Variants in IFT140 observed in about 807,000 individuals in gnomAD.
IFT140 encodes intraflagellar transport 140, also known as intraflagellar transport protein 140 homolog.
IFT140 carries 133 observed loss-of-function variants against 164.6 expected under a neutral mutation model. That is an observed-to-expected ratio of 0.81 (90% CI 0.70 to 0.93). IFT140 has a LOEUF of 0.93. Ranked by LOEUF, IFT140 falls within the 40% of genes least tolerant of loss-of-function variation. IFT140 has a pLI of 0.00. For missense variants in IFT140, 2,045 were observed against 1,972.3 expected (o/e 1.04, Z -0.70); for synonymous variants, 860 against 817.3 (o/e 1.05, Z -0.89).
intron 18 of IFT140, among the ~76,000 whole-genome samples, chr16:1,558,874 G>A (rs2033251848): frequency 6.6e-6 from 1 of 152,240 alleles, no homozygotes; most frequent in Admixed American, 6.5e-5. Flanking sequence ...TTCCTGAAGG[G>A]TGACTCCAGC....
chr16:1,586,640 C>G (rs2034898724), intron 9 of IFT140, among the ~76,000 whole-genome samples: 1 of 152,228 alleles, frequency 6.6e-6, no homozygotes, highest in East Asian at 1.9e-4. Context: ...CACACACACA[C>G]ACACACACAC....
chr16:1,515,709 A>G (rs1444500492), intron 30 of IFT140, among the ~76,000 whole-genome samples: 1 of 152,240 alleles, frequency 6.6e-6, no homozygotes, highest in Non-Finnish European at 1.5e-5. Flanking sequence ...AGAATTCTCT[A>G]TCTGATGAGA....
chr16:1,536,927 C>A (rs1371391548), intron 19 of IFT140, among the ~76,000 whole-genome samples: 1 of 152,250 alleles, frequency 6.6e-6, no homozygotes. Context: ...ATCAAGCTAG[C>A]CTATGAACCT....
At chr16:1,540,907 G>A (rs2031569381) in intron 19 of IFT140, 22 of 985,320 alleles carry the variant, frequency 2.2e-5, no homozygotes, top group Non-Finnish European at 2.7e-5. Context: ...ACTCCAGGCT[G>A]AGTGTCTGTC....
intron 4 of IFT140, 167 bp downstream of exon 4, chr16:1,602,203 A>T (rs1031459197): frequency 7.5e-6 from 5 of 667,916 alleles, no homozygotes; most frequent in Non-Finnish European, 1.3e-5. Context: ...ACAGAGTGGC[A>T]AATTTTCAAG....
At chr16:1,584,092 A>C in intron 11 of IFT140, 125 bp downstream of exon 11, 2 of 714,436 alleles carry the variant, frequency 2.8e-6, no homozygotes, top group East Asian at 2.7e-5. Flanking sequence ...CCAGGAAATA[A>C]GAGAATCTAG....
At chr16:1,547,801 G>C (rs998280281) in intron 19 of IFT140, among the ~76,000 whole-genome samples, 1 of 152,198 alleles carries the variant, frequency 6.6e-6, no homozygotes, top group African/African-American at 2.4e-5. Context: ...CTCCCACAGC[G>C]CTGGGATTAC....
At chr16:1,562,707 G>C (rs894797889) in intron 17 of IFT140, among the ~76,000 whole-genome samples, 1 of 152,144 alleles carries the variant, frequency 6.6e-6, no homozygotes, top group African/African-American at 2.4e-5. Context: ...GGGAGGCAGA[G>C]GTTGCAGTGA....
chr16:1,541,064 C>A, intron 19 of IFT140: 3 of 985,440 alleles, frequency 3.0e-6, no homozygotes, highest in Non-Finnish European at 2.4e-6. Flanking sequence ...TCCCTGAGGG[C>A]AACAAACGCA....
At chr16:1,582,822 G>C (rs2034645240) in intron 12 of IFT140, among the ~76,000 whole-genome samples, 1 of 152,270 alleles carries the variant, frequency 6.6e-6, no homozygotes, top group Non-Finnish European at 1.5e-5. Flanking sequence ...ACAACTGCTT[G>C]AGCCCGGGAG....
At chr16:1,544,862 A>G (rs1186921328) in intron 19 of IFT140, among the ~76,000 whole-genome samples, 6 of 151,442 alleles carry the variant, frequency 4.0e-5, no homozygotes, top group African/African-American at 9.7e-5. Context: ...GTTAGCCAGG[A>G]TGGTCTCGAT....
At chr16:1,561,217 G>A (rs1194968699) in intron 18 of IFT140, among the ~76,000 whole-genome samples, 1 of 152,268 alleles carries the variant, frequency 6.6e-6, no homozygotes, top group Non-Finnish European at 1.5e-5. Context: ...CAGAATGCTC[G>A]TGGGGCACAC....
At chr16:1,541,967 G>T in intron 19 of IFT140, 1 of 1,610,344 alleles carries the variant, frequency 6.2e-7, no homozygotes. Context: ...CCACGGCCGC[G>T]CTCACCGCAG....
chr16:1,520,506 T>G, intron 27 of IFT140, 96 bp downstream of exon 27: 4 of 1,398,570 alleles, frequency 2.9e-6, no homozygotes, highest in Non-Finnish European at 3.9e-6. Flanking sequence ...CAGCCCTAGC[T>G]TGGGGTCATC....
intron 4 of IFT140, among the ~76,000 whole-genome samples, chr16:1,600,688 AAAGC>A (rs944613898): frequency 6.6e-6 from 1 of 152,188 alleles, no homozygotes; most frequent in African/African-American, 2.4e-5. Flanking sequence ...GTAAAATGAA[AAAGC>A]AAGAGACATG....
intron 7 of IFT140, among the ~76,000 whole-genome samples, chr16:1,588,897 A>T (rs1219537097): frequency 1.3e-5 from 2 of 151,746 alleles, no homozygotes; most frequent in Non-Finnish European, 2.9e-5. Context: ...GTGGAAGGAG[A>T]CACCAGAGCT....
intron 4 of IFT140, among the ~76,000 whole-genome samples, chr16:1,597,176 G>A (rs2035506318): frequency 6.6e-6 from 1 of 152,180 alleles, no homozygotes; most frequent in Non-Finnish European, 1.5e-5. Context: ...GGGTTTACTT[G>A]ACCCTCAGAC....
intron 4 of IFT140, among the ~76,000 whole-genome samples, chr16:1,594,552 C>T (rs1200481792): frequency 6.6e-6 from 1 of 152,204 alleles, no homozygotes; most frequent in East Asian, 1.9e-4. Flanking sequence ...GTTCTGGAAT[C>T]AGCCATTTCT....
chr16:1,546,799 A>T (rs369070231), intron 19 of IFT140, among the ~76,000 whole-genome samples: 9 of 152,078 alleles, frequency 5.9e-5, no homozygotes, highest in African/African-American at 1.7e-4. Context: ...CGGTGGTTTG[A>T]TCCAGCAGCC....
Sources: allele counts gnomAD v4.1 joint callset (sites outside exome capture counted in the v4.1 genomes callset), GRCh38; gene constraint gnomAD v4.1.1; transcripts MANE v1.5; gene names NCBI Gene and HGNC (gene_info 2026-07-23, HGNC 2026-07-21).